Variants in ANKRD28 observed in about 807,000 individuals in gnomAD.
ANKRD28 encodes the protein ankyrin repeat domain 28.
ANKRD28 carries 44 observed loss-of-function variants against 126.5 expected under a neutral mutation model. The ratio of observed to expected loss-of-function variants is 0.35; its 90% CI spans 0.27 to 0.45. ANKRD28 has a LOEUF of 0.45. Ranked by LOEUF, ANKRD28 falls within the 20% of genes least tolerant of loss-of-function variation. The pLI is 1.00. For missense variants in ANKRD28, 1,110 were observed against 1,316.6 expected (o/e 0.84, Z 2.43); for synonymous variants, 442 against 468.5 (o/e 0.94, Z 0.73).
In ANKRD28 at chr3:15,678,281, C is replaced by T. The variant is rs780872483; in HGVS notation, c.2635G>A (p.Val879Ile). The T allele has an allele frequency of 2.2e-5, 35 of 1,613,068 alleles. 1 individual carries two copies. In the South Asian group the frequency reaches 3.6e-4, roughly 17 times the overall value. Residue 879 changes from valine to isoleucine, a missense_variant, in exon 24 of 28, where the codon GTC (valine) becomes ATC (isoleucine). By Grantham distance (29) the Val-to-Ile change is conservative (BLOSUM62 3). Transcript: ENST00000683139. ...LQLLLSHNAQ[V>I]NSVDSTGKTP... ...TTCCCTGTAGAGTCCACAGAATTGA[C>T]TTGAGCATTATGGCTGAGCAGCAGC...
chr3:15,744,885 T>G (rs548294948), intron 4 of ANKRD28, among the ~76,000 whole-genome samples: 9 of 152,316 alleles, frequency 5.9e-5, no homozygotes, highest in African/African-American at 1.7e-4. Context: ...CCCTTTTCAT[T>G]GCATCCACAC....
At chr3:15,781,042 CA>C (rs977692149) in intron 2 of ANKRD28, among the ~76,000 whole-genome samples, 2 of 147,980 alleles carry the variant, frequency 1.4e-5, no homozygotes, top group African/African-American at 5.0e-5. Flanking sequence ...GCACAAGCAA[CA>C]AAAACAAAAA....
At chr3:15,770,095 T>C (rs1217877768) in intron 2 of ANKRD28, among the ~76,000 whole-genome samples, 1 of 151,848 alleles carries the variant, frequency 6.6e-6, no homozygotes, top group Non-Finnish European at 1.5e-5. Context: ...TAACAAATTA[T>C]GTTAGTGGAG....
At chr3:15,796,322 A>T in intron 1 of ANKRD28, 83 bp downstream of exon 1, 1 of 842,808 alleles carries the variant, frequency 1.2e-6, no homozygotes, top group Non-Finnish European at 1.5e-6. Flanking sequence ...AAACTATTGG[A>T]AATTTACATC....
intron 14 of ANKRD28, among the ~76,000 whole-genome samples, chr3:15,701,597 T>C (rs1037267769): frequency 4.6e-5 from 7 of 151,822 alleles, no homozygotes; most frequent in Non-Finnish European, 7.4e-5. Flanking sequence ...TAAGCTGAGA[T>C]TGCACCATTG....
intron 14 of ANKRD28, among the ~76,000 whole-genome samples, chr3:15,707,310 G>T (rs2071589534): frequency 1.3e-5 from 2 of 152,134 alleles, no homozygotes; most frequent in Non-Finnish European, 2.9e-5. Flanking sequence ...AACTTTAGGT[G>T]AATATTATTA....
At position 15,846,950 on chromosome 3, in the gene ANKRD28, C is replaced by T. The variant is rs187101364; in HGVS notation, c.27+12427G>A. Among the ~76,000 whole-genome samples the T allele has an allele frequency of 2.9e-3, 439 of 152,210 alleles. 1 individual carries two copies. Among genetic ancestry groups the T allele is most frequent in the African/African-American group, 9.9e-3 (412 of 41,532 alleles). On this transcript the variant is annotated intron_variant, in intron 1 of 27. Transcript: ENST00000399451. This position sits in a 1 kb window ranked among gnomAD's most constrained non-coding sequence, Gnocchi z 5.4. ...TTTCAATCATATGGCCATCCCCAAA[C>T]ACAAAAGGTCTAGTAAATATAAGTT...
chr3:15,791,744 C>CA (rs1400283820), intron 2 of ANKRD28, among the ~76,000 whole-genome samples: 1 of 152,052 alleles, frequency 6.6e-6, no homozygotes, highest in African/African-American at 2.4e-5. Flanking sequence ...CAAACATGGA[C>CA]AAATGGGATC....
At position 15,735,409 on chromosome 3, in the gene ANKRD28, C is replaced by G; in HGVS notation, c.640+1G>C. 1 of 1,550,300 alleles carries G rather than the reference C, an allele frequency of 6.5e-7. No homozygotes were observed. Among genetic ancestry groups the G allele is most frequent in the Non-Finnish European group, 8.7e-7 (1 of 1,145,436 alleles). ...AAAAACTAAATTTAAAAAGTACATA[C>G]CCATATATGCTGCCCAATGGATAGC... On this transcript the variant is annotated splice_donor_variant, in intron 6 of 27. Transcript: ENST00000683139. LOFTEE classifies it high-confidence loss of function.
chr3:15,777,404 A>G (rs1442695084), intron 2 of ANKRD28, among the ~76,000 whole-genome samples: 5 of 152,198 alleles, frequency 3.3e-5, no homozygotes, highest in Non-Finnish European at 5.9e-5. Context: ...TAAAAGTAGA[A>G]ATTTTATTAC....
chr3:15,807,262 C>G (rs553719291), intron 1 of ANKRD28, among the ~76,000 whole-genome samples: 1 of 152,288 alleles, frequency 6.6e-6, no homozygotes, highest in East Asian at 1.9e-4. Flanking sequence ...ATGCAAAGGG[C>G]CAGGCTTTGA....
intron 18 of ANKRD28, among the ~76,000 whole-genome samples, chr3:15,687,795 G>A (rs1006077984): frequency 6.6e-6 from 1 of 152,174 alleles, no homozygotes; most frequent in African/African-American, 2.4e-5. Context: ...TGTTCAAGAA[G>A]AACTTGTTTG....
In ANKRD28 at chr3:15,814,408, A is replaced by G; in HGVS notation, c.28-19102T>C. The G allele has an allele frequency of 2.0e-6, 1 of 504,086 alleles. No individual in the cohort carries two copies. 31.2% of individuals were successfully genotyped at this position (504,086 alleles called of 1,614,324 possible). A position where few individuals can be genotyped will look rare whatever the true frequency, so the allele number is the denominator to read the frequency against. ...AACTAGTACCTTAACAAAACATTGA[A>G]TTATTGGATAATATTCAAAAACTTA... On this transcript the variant is annotated intron_variant, in intron 1 of 27. Coordinates refer to the ANKRD28 transcript ENST00000399451. The surrounding 1 kb of genome is among the most constrained non-coding windows in gnomAD (Gnocchi z 4.7).
At chr3:15,751,894 T>C (rs1390675578) in intron 3 of ANKRD28, 74 bp from the exon 4 acceptor site, 1 of 989,036 alleles carries the variant, frequency 1.0e-6, no homozygotes, top group Non-Finnish European at 1.5e-6. Flanking sequence ...GAAATAGTAG[T>C]TATATATAAT....
intron 4 of ANKRD28, among the ~76,000 whole-genome samples, chr3:15,746,050 AT>A (rs1284633127): frequency 1.3e-5 from 2 of 152,184 alleles, no homozygotes; most frequent in Non-Finnish European, 2.9e-5. Flanking sequence ...ATTTGTGTAC[AT>A]TAATTTTGTA....
At chr3:15,736,006 C>T (rs529266286) in intron 5 of ANKRD28, among the ~76,000 whole-genome samples, 3 of 152,256 alleles carry the variant, frequency 2.0e-5, no homozygotes, top group African/African-American at 7.2e-5. Context: ...GGAAGGCTAC[C>T]GCAGATCTCA....
At chr3:15,750,189 G>C (rs2057772545) in intron 4 of ANKRD28, among the ~76,000 whole-genome samples, 1 of 152,004 alleles carries the variant, frequency 6.6e-6, no homozygotes, top group Non-Finnish European at 1.5e-5. Context: ...GACTTAATCT[G>C]GTAAAAATCC....
At chr3:15,690,988 A>G (rs2068716324) in intron 17 of ANKRD28, among the ~76,000 whole-genome samples, 1 of 152,176 alleles carries the variant, frequency 6.6e-6, no homozygotes, top group Non-Finnish European at 1.5e-5. Context: ...CCCACCCCAT[A>G]ATGTGCCATA....
At chr3:15,761,557 A>T (rs1369274971) in intron 3 of ANKRD28, among the ~76,000 whole-genome samples, 2 of 152,096 alleles carry the variant, frequency 1.3e-5, no homozygotes, top group African/African-American at 4.8e-5. Flanking sequence ...TTTAAGCAGA[A>T]CTCCTGGAGC....
Sources: gnomAD v4.1 joint callset for allele counts (sites outside exome capture counted in the v4.1 genomes callset) on GRCh38, gnomAD v4.1.1 for gene constraint, Gnocchi (gnomAD v3.1) non-coding constraint, MANE v1.5 for transcripts, NCBI Gene and HGNC (gene_info 2026-07-23, HGNC 2026-07-21) for gene names.